Variants in UAP1L1 observed in about 807,000 individuals in gnomAD.
UAP1L1 encodes the protein UDP-N-acetylglucosamine pyrophosphorylase 1 like 1, also known as UDP-N-acetylhexosamine pyrophosphorylase-like protein 1.
In UAP1L1, 45 loss-of-function variants were observed where a neutral mutation model predicts 45.3. The ratio of observed to expected loss-of-function variants is 0.99; its 90% CI spans 0.78 to 1.27. UAP1L1 has a LOEUF of 1.27. UAP1L1 is among the 50% of genes most tolerant of loss of function. The pLI, the probability that UAP1L1 is intolerant of heterozygous loss-of-function variation, is 0.00. For missense variants in UAP1L1, 667 were observed against 694.0 expected (o/e 0.96, Z 0.44); for synonymous variants, 323 against 303.9 (o/e 1.06, Z -0.65).
chr9:137,077,916 C>T lies in UAP1L1; in HGVS notation c.289+95C>T. On this transcript the variant is annotated intron_variant, in intron 1 of 8. Coordinates refer to ENST00000409858, the MANE Select transcript of UAP1L1 (RefSeq NM_207309.3). The surrounding 1 kb of genome is among the most constrained non-coding windows in gnomAD (Gnocchi z 4.7). ...GCGCTCGGGGAACTGTAGTTCTCCT[C>T]GCTACTTTGAGACGTGTCTCGCCTC... The T allele has an allele frequency of 6.7e-7, 1 of 1,497,638 alleles. No individual in the cohort carries two copies. Among genetic ancestry groups the T allele is most frequent in the Non-Finnish European group, 8.9e-7 (1 of 1,128,824 alleles). The allele number at this position is 1,497,638 out of a possible 1,614,324, so 92.8% of individuals were successfully genotyped here.
intron 7 of UAP1L1, 70 bp downstream of exon 7, chr9:137,080,944 G>A: frequency 7.1e-7 from 1 of 1,409,456 alleles, no homozygotes; most frequent in Non-Finnish European, 9.3e-7. Context: ...CAGCTCCAGA[G>A]CCCTGTTGGC....
intron 2 of UAP1L1, 104 bp from the exon 3 acceptor site, chr9:137,078,398 A>AACTGGAC: frequency 1.9e-6 from 3 of 1,594,390 alleles, no homozygotes; most frequent in Non-Finnish European, 2.6e-6. Flanking sequence ...CCCCAGCCCC[A>AACTGGAC]ACTGGACACT....
In UAP1L1 at chr9:137,082,328, G is replaced by A; in HGVS notation, c.1431+264G>A. On this transcript the variant is annotated intron_variant, in intron 8 of 8. Coordinates refer to ENST00000409858, the MANE Select transcript of UAP1L1 (RefSeq NM_207309.3). This position sits in a 1 kb window ranked among gnomAD's most constrained non-coding sequence, Gnocchi z 5.7. ...GTGGGGCCAGTCAGGCCTTGGTGGGGGCCTTGCGGAGGGAGGACACCGGCC... is the reference window on the plus strand; with the variant it reads ...GTGGGGCCAGTCAGGCCTTGGTGGGAGCCTTGCGGAGGGAGGACACCGGCC... 1.7e-6 allele frequency: 1 copy of A among 601,358 alleles called. No individual in the cohort carries two copies. Among genetic ancestry groups the A allele is most frequent in the Non-Finnish European group, 2.9e-6 (1 of 339,170 alleles). 37.3% of individuals were successfully genotyped at this position (601,358 alleles called of 1,614,324 possible). A position where few individuals can be genotyped will look rare whatever the true frequency, so the allele number is the denominator to read the frequency against.
intron 7 of UAP1L1, 129 bp from the exon 8 acceptor site, chr9:137,081,869 G>A (rs1832791863): frequency 5.7e-6 from 5 of 873,820 alleles, no homozygotes; most frequent in Non-Finnish European, 9.7e-6. Flanking sequence ...AGAGGAAGAT[G>A]AGCTTGCTGA....
In UAP1L1 at chr9:137,077,521, G is replaced by C. The variant is rs775426673; in HGVS notation, c.-12G>C. ...GGTCACGAGTGCCGACTTGACAGAC[G>C]GCAGCGGCGACATGGCTTCGGAGCA... On this transcript the variant is annotated 5_prime_UTR_variant, in exon 1 of 9. Transcript: ENST00000409858. The surrounding 1 kb of genome is among the most constrained non-coding windows in gnomAD (Gnocchi z 4.7). 6.8e-4 allele frequency: 916 copies of C among 1,356,862 alleles called. 1 individual carries two copies. The highest frequency in any genetic ancestry group is 8.3e-4 in the Non-Finnish European group (872 of 1,044,892). 84.1% of individuals were successfully genotyped at this position (1,356,862 alleles called of 1,614,324 possible).
At chr9:137,081,145 G>T (rs561056714) in intron 7 of UAP1L1, among the ~76,000 whole-genome samples, 70 of 152,274 alleles carry the variant, frequency 4.6e-4, no homozygotes, top group African/African-American at 1.6e-3. Flanking sequence ...TATCCACAAG[G>T]TTTTGGTTTG....
At chr9:137,081,644 C>T (rs975011891) in intron 7 of UAP1L1, among the ~76,000 whole-genome samples, 1 of 152,178 alleles carries the variant, frequency 6.6e-6, no homozygotes. Context: ...GGCTTTGAAA[C>T]TGAGCCCCGG....
rs751284530 is a variant in UAP1L1 at position 137,078,614 on chromosome 9, C to T, written c.607C>T (p.Pro203Ser). The change falls in exon 3 of 9, where the codon CCT becomes TCT. Residue 203 changes from proline (P) to serine (S), a missense_variant. Transcript: ENST00000409858. ...GGTCATGTTTGAGCAGCGCCTGCTG[C>T]CTGCTGTGACCTTTGATGGCAAGGT... is the stretch of plus-strand genomic sequence containing the variant. ...NVVMFEQRLL[P>S]AVTFDGKVIL... is the part of the protein sequence containing the mutation. 6.2e-7 allele frequency: 1 copy of T among 1,613,138 alleles called. No individual in the cohort carries two copies. Among genetic ancestry groups the T allele is most frequent in the Non-Finnish European group, 8.5e-7 (1 of 1,180,006 alleles).
Position 137,079,369 on chromosome 9 carries a change from C to T in UAP1L1, c.957C>T (p.Ala319=). Residue 319 remains alanine (A), a synonymous_variant, in exon 5 of 9, where the codon GCC becomes GCT. Coordinates refer to ENST00000409858, the MANE Select transcript of UAP1L1 (RefSeq NM_207309.3). ...EISPETAQLR[A]SDGSLLYNAG... Reference sequence around the variant, plus strand: ...GTCCTGAGACCGCACAGCTACGTGCCTCCGACGGGAGCCTGCTGTACAATG... The same window carrying T: ...GTCCTGAGACCGCACAGCTACGTGCTTCCGACGGGAGCCTGCTGTACAATG... 6.2e-7 allele frequency: 1 copy of T among 1,612,822 alleles called. No homozygotes were observed. The highest frequency in any genetic ancestry group is 8.5e-7 in the Non-Finnish European group (1 of 1,179,642).
intron 6 of UAP1L1, 186 bp from the exon 7 acceptor site, chr9:137,080,503 G>T: frequency 1.6e-6 from 1 of 640,616 alleles, no homozygotes; most frequent in South Asian, 2.0e-5. Flanking sequence ...GGAAATGGCT[G>T]CTGGGATTGG....
intron 5 of UAP1L1, chr9:137,079,766 T>C: frequency 3.3e-6 from 2 of 609,318 alleles, no homozygotes; most frequent in Non-Finnish European, 5.7e-6. Context: ...GCCAGTTTGT[T>C]TGCCTGGGCA....
chr9:137,080,624 G>C, intron 6 of UAP1L1, 65 bp from the exon 7 acceptor site: 1 of 1,509,088 alleles, frequency 6.6e-7, no homozygotes, highest in Non-Finnish European at 9.0e-7. Flanking sequence ...ACCTGGCCCA[G>C]CTCTCACCTG....
At position 137,083,095 on chromosome 9, in the gene UAP1L1, G is replaced by A. The variant is rs1248524774; in HGVS notation, c.*366G>A. 1 of 252,852 alleles carries A rather than the reference G, an allele frequency of 4.0e-6. No individual in the cohort carries two copies. The highest frequency in any genetic ancestry group is 8.1e-6 in the Non-Finnish European group (1 of 123,758). 15.7% of individuals were successfully genotyped at this position (252,852 alleles called of 1,614,324 possible). On this transcript the variant is annotated 3_prime_UTR_variant, in exon 9 of 9. Transcript: ENST00000409858. ...GGTTGGGGCCCAAGGGAGGTGTGGT[G>A]TCATCTGGGGAGAACAGGAGGGCAT...
chr9:137,078,223 G>C lies in UAP1L1; in HGVS notation c.463G>C (p.Glu155Gln), dbSNP rs770293611. 6.5e-7 allele frequency: 1 copy of C among 1,547,170 alleles called. No individual in the cohort carries two copies. Among genetic ancestry groups the C allele is most frequent in the Non-Finnish European group, 8.7e-7 (1 of 1,146,418 alleles). ...TCGGCGGGTGGAGCAGCTGGCCGGT[G>C]AGCGCCACGGGACCCGCTGCACCGT... ...RIRRVEQLAG[E>Q]RHGTRCTVPW... The change falls in exon 2 of 9, where the codon GAG becomes CAG. Residue 155 changes from glutamate to glutamine, a missense_variant. By Grantham distance (29) the Glu-to-Gln change is conservative. Transcript: ENST00000409858.
In UAP1L1 at chr9:137,080,353, G is replaced by A. The variant is rs141553835; in HGVS notation, c.1178+211G>A. ...GGGAGTCCTTGGGGCTGTGGACTTG[G>A]GAGGACAGTAGTGCCACCTCCCGGA... On this transcript the variant is annotated intron_variant, in intron 6 of 8. Transcript: ENST00000409858. 347 of 631,296 alleles carry A rather than the reference G, an allele frequency of 5.5e-4. 3 individuals carry two copies. The African/African-American group carries it at 5.8e-3, about 10-fold the overall frequency. 39.1% of individuals were successfully genotyped at this position (631,296 alleles called of 1,614,324 possible).
Position 137,077,660 on chromosome 9 carries a change from C to A in UAP1L1, c.128C>A (p.Pro43His), listed in dbSNP as rs548030106. 2 of 1,249,034 alleles carry A rather than the reference C, an allele frequency of 1.6e-6. No individual in the cohort carries two copies. The highest frequency in any genetic ancestry group is 2.0e-6 in the Non-Finnish European group (2 of 986,232). 77.4% of individuals were successfully genotyped at this position (1,249,034 alleles called of 1,614,324 possible). ...ALLAELALLE[P>H]EALREHCRRA... ...CTGGCGGAGCTGGCGCTGCTGGAGC[C>A]CGAGGCGCTGCGCGAGCACTGCCGG... The change falls in exon 1 of 9, where the codon CCC becomes CAC. Residue 43 changes from proline to histidine, a missense_variant. By Grantham distance (77) the Pro-to-His change is moderately conservative (BLOSUM62 -2). Coordinates refer to ENST00000409858, the MANE Select transcript of UAP1L1 (RefSeq NM_207309.3). The surrounding 1 kb of genome is among the most constrained non-coding windows in gnomAD (Gnocchi z 4.7).
In UAP1L1 at chr9:137,079,365, G is replaced by C. The variant is rs370805014; in HGVS notation, c.953G>C (p.Arg318Pro). 1 of 1,612,868 alleles carries C rather than the reference G, an allele frequency of 6.2e-7. No individual in the cohort carries two copies. The highest frequency in any genetic ancestry group is 8.5e-7 in the Non-Finnish European group (1 of 1,179,770). The change falls in exon 5 of 9, where the codon CGT (arginine) becomes CCT (proline). Residue 318 changes from arginine (R) to proline (P), a missense_variant. Physicochemically the swap from Arg to Pro is moderately radical, Grantham distance 103. Transcript: ENST00000409858. ...ATCAGTCCTGAGACCGCACAGCTAC[G>C]TGCCTCCGACGGGAGCCTGCTGTAC... ...SEISPETAQL[R>P]ASDGSLLYNA... is the part of the protein sequence containing the mutation.
Position 137,082,757 on chromosome 9 carries a change from C to G in UAP1L1, c.*28C>G. On this transcript the variant is annotated 3_prime_UTR_variant, in exon 9 of 9. Coordinates refer to ENST00000409858, the MANE Select transcript of UAP1L1 (RefSeq NM_207309.3). This position sits in a 1 kb window ranked among gnomAD's most constrained non-coding sequence, Gnocchi z 5.7. ...CGCCCAGACTGTCCCCAGACTCCCCCGAGACCTGCCAGCCCCGGCATCCTG... is the reference window on the plus strand; with the variant it reads ...CGCCCAGACTGTCCCCAGACTCCCCGGAGACCTGCCAGCCCCGGCATCCTG... 2 of 1,524,062 alleles carry G rather than the reference C, an allele frequency of 1.3e-6. No individual in the cohort carries two copies. The highest frequency in any genetic ancestry group is 1.8e-6 in the Non-Finnish European group (2 of 1,131,148). The allele number at this position is 1,524,062 out of a possible 1,614,324, so 94.4% of individuals were successfully genotyped here.
At chr9:137,080,170 C>T (rs149187609) in intron 6 of UAP1L1, 28 bp downstream of exon 6, 293 of 1,611,108 alleles carry the variant, frequency 1.8e-4, no homozygotes, top group Middle Eastern at 3.3e-4. Context: ...TTTATTTTCC[C>T]CTTCTTCCTT....
Sources: allele counts gnomAD v4.1 joint callset (sites outside exome capture counted in the v4.1 genomes callset), GRCh38; gene constraint gnomAD v4.1.1; non-coding constraint Gnocchi (gnomAD v3.1); transcripts MANE v1.5; gene names NCBI Gene and HGNC (gene_info 2026-07-23, HGNC 2026-07-21).